The following TBC1D4 variants were observed in gnomAD, a reference collection of about 807,000 sequenced individuals.
TBC1D4 encodes TBC1 domain family member 4, also known as TBC (Tre-2, BUB2, CDC16) domain-containing protein.
TBC1D4 carries 121 observed loss-of-function variants against 142.5 expected under a neutral mutation model. The ratio of observed to expected loss-of-function variants is 0.85; its 90% confidence interval spans 0.73 to 0.99. TBC1D4 has a LOEUF of 0.99. Ranked by LOEUF, TBC1D4 falls within the 50% of genes least tolerant of loss-of-function variation. The pLI is 0.00. For missense variants in TBC1D4, 1,475 were observed against 1,606.6 expected (o/e 0.92, Z 1.40); for synonymous variants, 630 against 628.2 (o/e 1.00, Z -0.04).
chr13:75,293,060 C>A (rs578071494), intron 18 of TBC1D4, among the ~76,000 whole-genome samples: 3 of 152,256 alleles, frequency 2.0e-5, no homozygotes, highest in African/African-American at 7.2e-5. Flanking sequence ...GAGGCTGAGG[C>A]AGGAGAATCG....
chr13:75,313,563 C>T (rs1877992340), intron 12 of TBC1D4, among the ~76,000 whole-genome samples: 1 of 151,926 alleles, frequency 6.6e-6, no homozygotes, highest in Admixed American at 6.5e-5. Flanking sequence ...ATTTTTTCAC[C>T]CAGGCTGGAG....
At chr13:75,294,492 A>G (rs1480528627) in intron 18 of TBC1D4, among the ~76,000 whole-genome samples, 1 of 152,236 alleles carries the variant, frequency 6.6e-6, no homozygotes, top group African/African-American at 2.4e-5. Context: ...AAGATGAAGA[A>G]GACAATGGGG....
chr13:75,378,449 G>A (rs1344253492), intron 1 of TBC1D4, among the ~76,000 whole-genome samples: 1 of 152,104 alleles, frequency 6.6e-6, no homozygotes. Flanking sequence ...ATTAAATGGT[G>A]TAACAGATTT....
intron 12 of TBC1D4, among the ~76,000 whole-genome samples, chr13:75,316,021 C>G (rs922328553): frequency 6.6e-6 from 1 of 152,126 alleles, no homozygotes; most frequent in Non-Finnish European, 1.5e-5. Flanking sequence ...GTCAATGCTC[C>G]ACAGGGCAAA....
chr13:75,316,372 A>T (rs911995682), intron 12 of TBC1D4: 1 of 152,176 alleles, frequency 6.6e-6, no homozygotes, highest in African/African-American at 2.4e-5. Flanking sequence ...CTGCCCAATG[A>T]CAAATTTTTC....
chr13:75,385,364 A>C (rs1275031304), intron 1 of TBC1D4, among the ~76,000 whole-genome samples: 1 of 152,202 alleles, frequency 6.6e-6, no homozygotes, highest in African/African-American at 2.4e-5. Flanking sequence ...CCAATGAATA[A>C]GCAAGCAAAG....
intron 1 of TBC1D4, among the ~76,000 whole-genome samples, chr13:75,425,419 G>A (rs1470362697): frequency 6.6e-6 from 1 of 152,112 alleles, no homozygotes; most frequent in Admixed American, 6.5e-5. Context: ...CAGTATAGAG[G>A]TTCCTCAAAA....
chr13:75,410,113 A>G (rs61084749), intron 1 of TBC1D4, among the ~76,000 whole-genome samples: 1 of 152,354 alleles, frequency 6.6e-6, no homozygotes, highest in East Asian at 1.9e-4. Flanking sequence ...AAATAAGCTA[A>G]TGTACGTAAA....
intron 1 of TBC1D4, among the ~76,000 whole-genome samples, chr13:75,386,538 G>A (rs1305879547): frequency 4.6e-5 from 7 of 151,848 alleles, no homozygotes; most frequent in East Asian, 1.9e-4. Flanking sequence ...ACAGGCATCC[G>A]CCACCAGACC....
chr13:75,475,867 AT>A (rs560956402), intron 1 of TBC1D4, among the ~76,000 whole-genome samples: 2 of 151,664 alleles, frequency 1.3e-5, no homozygotes, highest in African/African-American at 4.8e-5. Flanking sequence ...CAGATTTTGA[AT>A]TTTTTTTTCA....
chr13:75,411,124 C>T (rs1287780725), intron 1 of TBC1D4, among the ~76,000 whole-genome samples: 1 of 152,116 alleles, frequency 6.6e-6, no homozygotes, highest in African/African-American at 2.4e-5. Flanking sequence ...ATGGTTTAAA[C>T]GCTCTTCTCC....
In TBC1D4 at chr13:75,283,777, A is replaced by C. The variant is rs9318329; in HGVS notation, c.*3015T>G. On this transcript the variant is annotated 3_prime_UTR_variant, in exon 21 of 21. Transcript: ENST00000377636. Reference sequence around the variant, plus strand: ...AGAAAGTAAGTTGAAAAATGGTAACAATGTACTTACATAAATGTCTCCTAA... The same window carrying C: ...AGAAAGTAAGTTGAAAAATGGTAACCATGTACTTACATAAATGTCTCCTAA... Among the ~76,000 whole-genome samples the C allele has an allele frequency of 0.32, 47,968 of 152,160 alleles. 8,595 individuals carry two copies. The highest frequency in any genetic ancestry group is 0.39 in the Non-Finnish European group (26,404 of 67,976).
At chr13:75,462,803 A>G (rs1253865185) in intron 1 of TBC1D4, among the ~76,000 whole-genome samples, 2 of 152,120 alleles carry the variant, frequency 1.3e-5, no homozygotes, top group African/African-American at 4.8e-5. Flanking sequence ...TCCTTGGCTC[A>G]TCACCATCAC....
intron 1 of TBC1D4, among the ~76,000 whole-genome samples, chr13:75,395,041 A>AG (rs751277774): frequency 1.3e-5 from 2 of 152,344 alleles, no homozygotes; most frequent in South Asian, 2.1e-4. Context: ...CTAAGTACAG[A>AG]AGTATGTTTG....
At chr13:75,341,258 G>T in intron 6 of TBC1D4, 23 bp from the exon 7 acceptor site, 1 of 1,593,206 alleles carries the variant, frequency 6.3e-7, no homozygotes, top group Non-Finnish European at 8.6e-7. Context: ...CAAACCAAAA[G>T]AACACTATGG....
At chr13:75,472,187 G>A (rs1888438395) in intron 1 of TBC1D4, among the ~76,000 whole-genome samples, 1 of 152,042 alleles carries the variant, frequency 6.6e-6, no homozygotes, top group East Asian at 1.9e-4. Context: ...CATTTTGGGA[G>A]GCTGAAGTGG....
chr13:75,326,575 T>C (rs1879287358), intron 9 of TBC1D4, 152 bp from the exon 10 acceptor site: 1 of 806,084 alleles, frequency 1.2e-6, no homozygotes, highest in Non-Finnish European at 2.1e-6. Context: ...ATTTATGCCG[T>C]AGGCTAATCA....
chr13:75,464,982 T>C (rs1593915463), intron 1 of TBC1D4, among the ~76,000 whole-genome samples: 2 of 152,202 alleles, frequency 1.3e-5, no homozygotes, highest in African/African-American at 2.4e-5. Context: ...AATTGAAAAT[T>C]TGTAGTTATG....
intron 4 of TBC1D4, among the ~76,000 whole-genome samples, chr13:75,354,504 G>A (rs1409806918): frequency 6.6e-6 from 1 of 152,198 alleles, no homozygotes; most frequent in Non-Finnish European, 1.5e-5. Context: ...CACATAAAAT[G>A]TGAAAGAGAT....
Sources: gnomAD v4.1 joint callset for allele counts (sites outside exome capture counted in the v4.1 genomes callset) on GRCh38, gnomAD v4.1.1 for gene constraint, MANE v1.5 for transcripts, NCBI Gene and HGNC (gene_info 2026-07-23, HGNC 2026-07-21) for gene names.